Variants in GABRQ observed in about 807,000 individuals in gnomAD.
GABRQ encodes gamma-aminobutyric acid type A receptor subunit theta.
GABRQ carries 19 observed loss-of-function variants against 30.5 expected under a neutral mutation model. That is an observed-to-expected ratio of 0.62 (90% CI 0.43 to 0.91). The LOEUF is 0.91. GABRQ is among the 40% of genes least tolerant of loss of function. The pLI is 0.00. For synonymous variants in GABRQ, 187 were observed against 210.2 expected (o/e 0.89, Z 0.95); for missense variants, 520 against 521.4 (o/e 1.00, Z 0.03).
At chrX:152,650,695 T>C (rs1931000086) in intron 7 of GABRQ, 115 bp downstream of exon 7, 2 of 555,171 alleles carry the variant, frequency 3.6e-6, no homozygotes, top group Middle Eastern at 3.5e-4. Context: ...GGCAAGGAAA[T>C]AAGGATTTTT....
rs1172345554 is a variant in GABRQ, at chrX:152,655,388, G to A, written c.*2107G>A. On this transcript the variant is annotated 3_prime_UTR_variant, in exon 9 of 9. Coordinates refer to ENST00000598523, the MANE Select transcript of GABRQ (RefSeq NM_018558.4). ...GGAAGTGAATGTAGTCCTAAGAAGT[G>A]GTGAGCTAGTGCCTTGAGGTAGGAA... The A allele has an allele frequency of 8.9e-6, 1 of 112,297 alleles. No individual in the cohort carries two copies. Among genetic ancestry groups the A allele is most frequent in the East Asian group, 2.8e-4 (1 of 3,587 alleles). The allele number at this position is 112,297 out of a possible 1,213,427, so 9.3% of individuals were successfully genotyped here.
At chrX:152,648,213 A>G (rs1238171757) in intron 4 of GABRQ, among the ~76,000 whole-genome samples, 1 of 111,497 alleles carries the variant, frequency 9.0e-6, no homozygotes, top group Non-Finnish European at 1.9e-5. Context: ...AGCTGGGGTT[A>G]GCAGATAAGA....
intron 2 of GABRQ, among the ~76,000 whole-genome samples, chrX:152,640,928 G>C (rs1930742279): frequency 9.0e-6 from 1 of 110,744 alleles, no homozygotes; most frequent in African/African-American, 3.3e-5. Context: ...TTAACCCACC[G>C]AGGCCCTGGG....
rs1556821018 is a variant in GABRQ at position 152,654,974 on chromosome X, A to G, written c.*1693A>G. Reference sequence around the variant, plus strand: ...GGTGTAAATCTACATTGGTGTGTACAGAATTGTATCTACAGCATGTGGATG... The same window carrying G: ...GGTGTAAATCTACATTGGTGTGTACGGAATTGTATCTACAGCATGTGGATG... On this transcript the variant is annotated 3_prime_UTR_variant, in exon 9 of 9. Transcript: ENST00000598523. 8.9e-6 allele frequency: 1 copy of G among 112,678 alleles called. No individual in the cohort carries two copies. Among genetic ancestry groups the G allele is most frequent in the African/African-American group, 3.2e-5 (1 of 30,977 alleles). 9.3% of individuals were successfully genotyped at this position (112,678 alleles called of 1,213,427 possible).
chrX:152,655,815 C>A lies in GABRQ; in HGVS notation c.*2534C>A, dbSNP rs2124921087. 9.0e-6 allele frequency: 1 copy of A among 111,590 alleles called. No individual in the cohort carries two copies. The highest frequency in any genetic ancestry group is 3.3e-5 in the African/African-American group (1 of 30,712). 9.2% of individuals were successfully genotyped at this position (111,590 alleles called of 1,213,427 possible). ...GCAAGCAGTTCATTTGGGATAAAGT[C>A]ATAAAGGGAGATTGGAGCAGTGTGA... On this transcript the variant is annotated 3_prime_UTR_variant, in exon 9 of 9. Coordinates refer to ENST00000598523, the MANE Select transcript of GABRQ (RefSeq NM_018558.4).
chrX:152,647,350 C>A (rs1417457579), intron 4 of GABRQ, among the ~76,000 whole-genome samples, 182 bp downstream of exon 4: 2 of 111,787 alleles, frequency 1.8e-5, no homozygotes, highest in East Asian at 5.6e-4. Context: ...CCCACAGACA[C>A]CCTTAGCTGT....
At chrX:152,639,065 A>T (rs890080954) in intron 1 of GABRQ, among the ~76,000 whole-genome samples, 2 of 111,007 alleles carry the variant, frequency 1.8e-5, no homozygotes, top group African/African-American at 6.6e-5. Context: ...TGTAAATCAC[A>T]CAGAAATGTG....
chrX:152,639,468 G>T (rs1449797654), intron 1 of GABRQ, among the ~76,000 whole-genome samples: 1 of 111,841 alleles, frequency 8.9e-6, no homozygotes, highest in Non-Finnish European at 1.9e-5. Context: ...AAGAGTCACA[G>T]TGATGCCGGG....
intron 8 of GABRQ, 39 bp from the exon 9 acceptor site, chrX:152,652,502 G>A: frequency 5.2e-6 from 6 of 1,143,522 alleles, no homozygotes; most frequent in Non-Finnish European, 4.7e-6. Context: ...CCATCTAGGC[G>A]ATATGAAACT....
intron 6 of GABRQ, 56 bp downstream of exon 6, chrX:152,649,935 ACTC>A (rs1240360488): frequency 1.0e-6 from 1 of 975,768 alleles, no homozygotes; most frequent in Non-Finnish European, 1.4e-6. Context: ...ACCTCCATAA[ACTC>A]CTAGCGGCCT....
chrX:152,650,323 A>G, intron 6 of GABRQ, 105 bp from the exon 7 acceptor site: 3 of 683,965 alleles, frequency 4.4e-6, no homozygotes, highest in Non-Finnish European at 6.8e-6. Context: ...GAGTATTACA[A>G]GCTGAACTTC....
rs782234587 is a variant in GABRQ, at chrX:152,643,975, TCACA to T, written c.239-1549_239-1546del. ...CACTTTAACACACATGCACATTCAC[TCACA>T]CAAACATGCTCACACATCCAAACAC... On this transcript the variant is annotated intron_variant, in intron 2 of 8. Transcript: ENST00000598523. 5.4e-3 allele frequency among the ~76,000 whole-genome samples: 605 copies of T among 111,642 alleles called. 5 individuals are homozygous for T. The highest frequency in any genetic ancestry group is 9.1e-3 in the Non-Finnish European group (483 of 53,108).
chrX:152,643,549 G>A lies in GABRQ; in HGVS notation c.239-1978G>A, dbSNP rs781868842. ...GAAAGCTTTGAGATGAGGAGCGAACGATAAAAACGGATTTGCCCACAGTGC... is the reference window on the plus strand; with the variant it reads ...GAAAGCTTTGAGATGAGGAGCGAACAATAAAAACGGATTTGCCCACAGTGC... On this transcript the variant is annotated intron_variant, in intron 2 of 8. Transcript: ENST00000598523. Among the ~76,000 whole-genome samples, 5 of 112,236 alleles carry A rather than the reference G, an allele frequency of 4.5e-5. No individual in the cohort carries two copies. In the South Asian group the frequency reaches 1.9e-3, roughly 42 times the overall value.
At position 152,647,078 on chromosome X, in the gene GABRQ, T is replaced by A; in HGVS notation, c.437T>A (p.Leu146Gln). Residue 146 changes from leucine to glutamine, a missense_variant, in exon 4 of 9, where the codon CTG becomes CAG. Leu to Gln is a moderately radical substitution (Grantham distance 113, BLOSUM62 -2). Coordinates refer to ENST00000598523, the MANE Select transcript of GABRQ (RefSeq NM_018558.4). ...EKLWVPDCYF[L>Q]NSKDAFVHDV... is the part of the protein sequence containing the mutation. ...TTGTGGGTCCCTGACTGCTACTTTC[T>A]GAACAGCAAGGATGCTTTCGTGCAT... 5.8e-6 allele frequency: 7 copies of A among 1,210,531 alleles called. No individual in the cohort carries two copies. Among genetic ancestry groups the A allele is most frequent in the Non-Finnish European group, 7.8e-6 (7 of 894,179 alleles).
downstream of GABRQ, among the ~76,000 whole-genome samples, chrX:152,657,740 T>C (rs1931176547): frequency 1.8e-5 from 2 of 112,394 alleles, no homozygotes; most frequent in South Asian, 7.4e-4. Context: ...CAGTTTAAAT[T>C]AGTTTTGATT....
At chrX:152,647,904 T>C (rs1326057412) in intron 4 of GABRQ, among the ~76,000 whole-genome samples, 1 of 112,158 alleles carries the variant, frequency 8.9e-6, no homozygotes, top group Admixed American at 9.4e-5. Context: ...GTTTGGCTCT[T>C]ACGGTTTTTA....
intron 1 of GABRQ, among the ~76,000 whole-genome samples, 189 bp downstream of exon 1, chrX:152,638,540 T>C (rs914585395): frequency 9.0e-6 from 1 of 111,661 alleles, no homozygotes; most frequent in Non-Finnish European, 1.9e-5. Flanking sequence ...GAGTGGGGTG[T>C]TGAAATGGAG....
intron 7 of GABRQ, 115 bp from the exon 8 acceptor site, chrX:152,651,411 C>T (rs1184291058): frequency 3.6e-6 from 2 of 553,537 alleles, no homozygotes; most frequent in East Asian, 6.6e-5. Context: ...AAGAGAGAGC[C>T]GAAGGCCTTT....
chrX:152,650,585 G>C lies in GABRQ; in HGVS notation c.901+5G>C. 1 of 1,189,309 alleles carries C rather than the reference G, an allele frequency of 8.4e-7. No individual in the cohort carries two copies. The highest frequency in any genetic ancestry group is 1.1e-6 in the Non-Finnish European group (1 of 882,334). ...CTGCAGCCAGGGTGACAATTGGTAG[G>C]TTCTGTCTCTGTCCCAGGAAAGAAT... On this transcript the variant is annotated splice_donor_5th_base_variant and intron_variant, in intron 7 of 8. Transcript: ENST00000598523.
Sources: allele counts gnomAD v4.1 joint callset (sites outside exome capture counted in the v4.1 genomes callset), GRCh38; gene constraint gnomAD v4.1.1; transcripts MANE v1.5; gene names NCBI Gene and HGNC (gene_info 2026-07-23, HGNC 2026-07-21).